The following PLD1 variants were observed in gnomAD, a reference collection of about 807,000 sequenced individuals.
The protein encoded by PLD1 is phospholipase D1.
PLD1 carries 112 observed loss-of-function variants against 137.1 expected under a neutral mutation model. The ratio of observed to expected loss-of-function variants is 0.82; its 90% CI spans 0.70 to 0.96. The LOEUF is 0.96. Among genes scored for constraint, PLD1 ranks in the 40% least tolerant of loss-of-function variants. The pLI is 0.00. For synonymous variants in PLD1, 431 were observed against 454.7 expected, an observed-to-expected ratio of 0.95 and a Z score of 0.66; for missense variants, 1,321 against 1,342.0, an observed-to-expected ratio of 0.98 and a Z score of 0.24.
intron 1 of PLD1, chr3:171,792,942 C>T: frequency 3.1e-6 from 1 of 317,626 alleles, no homozygotes; most frequent in Non-Finnish European, 6.2e-6. Context: ...GGAAGTGGGG[C>T]TCTCAAAACA....
chr3:171,657,888 G>A (rs1452315838), intron 21 of PLD1, among the ~76,000 whole-genome samples: 1 of 151,978 alleles, frequency 6.6e-6, no homozygotes, highest in Non-Finnish European at 1.5e-5. Flanking sequence ...CATCGAATGG[G>A]AGAAACTAGG....
intron 1 of PLD1, among the ~76,000 whole-genome samples, chr3:171,783,659 T>C (rs1457662688): frequency 6.6e-6 from 1 of 152,184 alleles, no homozygotes; most frequent in Non-Finnish European, 1.5e-5. Context: ...TGTTTGTTTA[T>C]TGAGACAGGG....
chr3:171,768,304 A>G (rs1219244852), intron 1 of PLD1, among the ~76,000 whole-genome samples: 2 of 152,190 alleles, frequency 1.3e-5, no homozygotes, highest in Non-Finnish European at 2.9e-5. Context: ...GTACGTAACC[A>G]TAAGACCTAT....
chr3:171,765,386 TGCTGGTGAA>T (rs1361681423), intron 1 of PLD1: 1 of 152,182 alleles, frequency 6.6e-6, no homozygotes, highest in Non-Finnish European at 1.5e-5. Flanking sequence ...GTAATGAGCA[TGCTGGTGAA>T]GTTGGTAGGT....
intron 23 of PLD1, among the ~76,000 whole-genome samples, chr3:171,626,148 A>C (rs1734086045): frequency 6.6e-6 from 1 of 152,244 alleles, no homozygotes; most frequent in East Asian, 1.9e-4. Flanking sequence ...AATACAGAGA[A>C]GTGCTTAAAG....
intron 1 of PLD1, among the ~76,000 whole-genome samples, chr3:171,763,142 A>G (rs1043645559): frequency 6.6e-6 from 1 of 152,082 alleles, no homozygotes; most frequent in Non-Finnish European, 1.5e-5. Flanking sequence ...GTGAGTGTGG[A>G]CCAGAAACCA....
Position 171,603,135 on chromosome 3 carries a change from G to GT in PLD1, c.3167_3168insA (p.Ser1056ArgfsTer46). The GT allele has an allele frequency of 6.2e-7, 1 of 1,614,034 alleles. No individual in the cohort carries two copies. The highest frequency in any genetic ancestry group is 1.1e-5 in the South Asian group (1 of 91,082). On this transcript the variant is annotated frameshift_variant, in exon 27 of 27. Transcript: ENST00000351298. LOFTEE classifies it high-confidence loss of function. Reference sequence around the variant, plus strand: ...CTTTGGTCCCAACAGAAGGCAGTAGGCTTTCTTCAGACAAGAAATAAAAGG... The same window carrying GT: ...CTTTGGTCCCAACAGAAGGCAGTAGGTCTTTCTTCAGACAAGAAATAAAAGG...
intron 1 of PLD1, among the ~76,000 whole-genome samples, chr3:171,761,506 G>T (rs1441764135): frequency 6.6e-6 from 1 of 152,056 alleles, no homozygotes; most frequent in Non-Finnish European, 1.5e-5. Flanking sequence ...AGCAAAACCA[G>T]CAAAAAGCAA....
At chr3:171,766,474 G>A (rs946318831) in intron 1 of PLD1, among the ~76,000 whole-genome samples, 4 of 151,962 alleles carry the variant, frequency 2.6e-5, no homozygotes, top group African/African-American at 9.7e-5. Context: ...ACATAGAGAG[G>A]TATATTTTAA....
At chr3:171,744,294 G>T (rs115311519) in intron 1 of PLD1, among the ~76,000 whole-genome samples, 5,119 of 152,238 alleles carry the variant, frequency 0.034, 312 homozygotes, top group African/African-American at 0.12. Context: ...CCATGCACCT[G>T]CTCCTCTTCT....
chr3:171,640,020 T>C (rs1735610777), intron 23 of PLD1, among the ~76,000 whole-genome samples: 1 of 151,698 alleles, frequency 6.6e-6, no homozygotes, highest in Non-Finnish European at 1.5e-5. Flanking sequence ...TGTCCCCTCT[T>C]AGTTTCTGAT....
intron 19 of PLD1, among the ~76,000 whole-genome samples, chr3:171,670,966 C>T (rs772748386): frequency 1.4e-4 from 22 of 152,110 alleles, no homozygotes; most frequent in Admixed American, 9.8e-4. Flanking sequence ...TGAATGATAC[C>T]TCTTGTATGA....
intron 23 of PLD1, among the ~76,000 whole-genome samples, chr3:171,642,272 C>T (rs1578171219): frequency 2.0e-5 from 3 of 151,460 alleles, no homozygotes; most frequent in South Asian, 4.2e-4. Flanking sequence ...CTGGCCAACA[C>T]GGTGAAACCT....
At chr3:171,691,687 G>A (rs751833741) in intron 13 of PLD1, among the ~76,000 whole-genome samples, 28 of 152,074 alleles carry the variant, frequency 1.8e-4, no homozygotes, top group Non-Finnish European at 3.4e-4. Context: ...TATAAATTAC[G>A]CAACCTAATA....
intron 1 of PLD1, among the ~76,000 whole-genome samples, chr3:171,772,145 A>G (rs917681941): frequency 2.6e-5 from 4 of 152,248 alleles, no homozygotes; most frequent in African/African-American, 9.6e-5. Context: ...TATTGTTAGA[A>G]CATCAGCTTT....
chr3:171,807,030 G>A (rs1450065244), intron 1 of PLD1, among the ~76,000 whole-genome samples: 2 of 152,194 alleles, frequency 1.3e-5, no homozygotes, highest in African/African-American at 2.4e-5. Context: ...TTTCTCAGCT[G>A]GGTATGGTAG....
intron 1 of PLD1, among the ~76,000 whole-genome samples, chr3:171,782,974 G>T (rs1430744633): frequency 6.6e-6 from 1 of 152,164 alleles, no homozygotes; most frequent in Non-Finnish European, 1.5e-5. Context: ...GAGGATGCAC[G>T]TTTGTCCATG....
chr3:171,642,145 T>A (rs545457180), intron 23 of PLD1, among the ~76,000 whole-genome samples: 4 of 151,930 alleles, frequency 2.6e-5, no homozygotes, highest in Admixed American at 6.6e-5. Context: ...AAGAACTAGG[T>A]AGAAGAATCA....
chr3:171,761,849 G>C (rs1288516791), intron 1 of PLD1, among the ~76,000 whole-genome samples: 1 of 152,058 alleles, frequency 6.6e-6, no homozygotes, highest in Non-Finnish European at 1.5e-5. Context: ...TTAGATGCAG[G>C]CCAGCCTCTT....
Sources: gnomAD v4.1 joint callset for allele counts (sites outside exome capture counted in the v4.1 genomes callset) on GRCh38, gnomAD v4.1.1 for gene constraint, MANE v1.5 for transcripts, NCBI Gene and HGNC (gene_info 2026-07-23, HGNC 2026-07-21) for gene names.